MASP1: variants seen among roughly 807,000 people sequenced by gnomAD.
MASP1 encodes MBL associated serine protease 1.
In MASP1, 59 loss-of-function variants were observed where a neutral mutation model predicts 77.1. That is an observed-to-expected ratio of 0.77 (90% confidence interval 0.62 to 0.95). MASP1 has a LOEUF of 0.95. MASP1 is among the 40% of genes least tolerant of loss of function. The pLI is 0.00. For synonymous variants in MASP1, 362 were observed against 354.5 expected, an observed-to-expected ratio of 1.02 and a Z score of -0.24; for missense variants, 885 against 912.9, an observed-to-expected ratio of 0.97 and a Z score of 0.39.
At chr3:187,269,853 G>C (rs1185750385) in intron 2 of MASP1, among the ~76,000 whole-genome samples, 2 of 152,174 alleles carry the variant, frequency 1.3e-5, no homozygotes, top group Non-Finnish European at 2.9e-5. Flanking sequence ...AGATCAAGAA[G>C]AGATATACTT....
intron 1 of MASP1, among the ~76,000 whole-genome samples, chr3:187,288,888 C>G (rs1718071609): frequency 6.6e-6 from 1 of 152,186 alleles, no homozygotes; most frequent in South Asian, 2.1e-4. Context: ...GCTTTCCCTT[C>G]TACTTTGTTT....
chr3:187,276,114 G>GC (rs1054225274), intron 2 of MASP1, among the ~76,000 whole-genome samples: 7 of 131,408 alleles, frequency 5.3e-5, no homozygotes, highest in Admixed American at 3.2e-4. Flanking sequence ...CCCCAGGGTA[G>GC]CCCCCCCAAC....
chr3:187,235,074 G>C lies in MASP1; in HGVS notation c.*610C>G, dbSNP rs1278152225. The stretch of plus-strand genomic sequence containing the variant: ...TGGGGAACATAAGGGATAAGGCTTA[G>C]ACTGCAAGAAGCTTTTGGGAGAGAA... On this transcript the variant is annotated 3_prime_UTR_variant, in exon 11 of 11. Transcript: ENST00000296280. The C allele has an allele frequency of 1.2e-5, 15 of 1,287,168 alleles. No homozygotes were observed. Among genetic ancestry groups the C allele is most frequent in the Non-Finnish European group, 2.0e-6 (2 of 988,736 alleles). The allele number at this position is 1,287,168 out of a possible 1,614,324, so 79.7% of individuals were successfully genotyped here.
chr3:187,244,931 C>T (rs1713956756), intron 8 of MASP1: 1 of 152,218 alleles, frequency 6.6e-6, no homozygotes, highest in African/African-American at 2.4e-5. Context: ...CCAAATTCAT[C>T]TTTTTGATTA....
At chr3:187,276,100 TGCCCCCCAGGGTA>T (rs1259526828) in intron 2 of MASP1, among the ~76,000 whole-genome samples, 1 of 4,850 alleles carries the variant, frequency 2.1e-4, no homozygotes, top group South Asian at 0.062. Context: ...CTGGTTAAAG[TGCCCCCCAGGGTA>T]GCCCCCCCAA....
downstream of MASP1, among the ~76,000 whole-genome samples, chr3:187,230,167 G>A (rs927859739): frequency 1.3e-5 from 2 of 152,222 alleles, no homozygotes; most frequent in East Asian, 3.9e-4. Context: ...TCTGGTCACA[G>A]CAATTGCTCA....
chr3:187,274,138 G>A (rs1335887670), intron 2 of MASP1, among the ~76,000 whole-genome samples: 12 of 151,984 alleles, frequency 7.9e-5, no homozygotes, highest in Admixed American at 7.9e-4. Context: ...AACCCGGGAG[G>A]TAGAGGTTCC....
At chr3:187,250,747 C>T (rs372689540) in intron 7 of MASP1, among the ~76,000 whole-genome samples, 7 of 152,266 alleles carry the variant, frequency 4.6e-5, no homozygotes, top group South Asian at 2.1e-4. Context: ...AACAAGTTCC[C>T]GGTGATGCTG....
intron 2 of MASP1, among the ~76,000 whole-genome samples, chr3:187,279,399 A>T (rs1341793216): frequency 6.6e-6 from 1 of 152,240 alleles, no homozygotes; most frequent in African/African-American, 2.4e-5. Context: ...ATATTCTAAG[A>T]GAACTTGGAA....
intron 5 of MASP1, 39 bp from the exon 6 acceptor site, chr3:187,253,354 C>T (rs562370562): frequency 4.3e-6 from 7 of 1,612,128 alleles, no homozygotes; most frequent in Non-Finnish European, 5.9e-6. Flanking sequence ...ATAGAGTGTT[C>T]CATCTGAGCA....
chr3:187,229,876 G>C, downstream of MASP1: 1 of 1,614,152 alleles, frequency 6.2e-7, no homozygotes, highest in Non-Finnish European at 8.5e-7. Context: ...CAGCTTCCGG[G>C]AGAACTTGGG....
In MASP1 at chr3:187,235,657, A is replaced by G. The variant is rs1451069676; in HGVS notation, c.*27T>C. 6.2e-7 allele frequency: 1 copy of G among 1,613,266 alleles called. No homozygotes were observed. The highest frequency in any genetic ancestry group is 2.2e-5 in the East Asian group (1 of 44,868). ...AGTGCGGTGTAGCTTCGCTCAGGGG[A>G]GGCAGGCCCCGAGGAAGTAAGTCAG... On this transcript the variant is annotated 3_prime_UTR_variant, in exon 11 of 11. Transcript: ENST00000296280.
At chr3:187,277,620 G>A (rs576040006) in intron 2 of MASP1, among the ~76,000 whole-genome samples, 1 of 152,290 alleles carries the variant, frequency 6.6e-6, no homozygotes, top group East Asian at 1.9e-4. Flanking sequence ...CCTGTTCTGA[G>A]GAAGGCTGCA....
At chr3:187,287,805 G>A (rs923679027) in intron 1 of MASP1, among the ~76,000 whole-genome samples, 3 of 152,170 alleles carry the variant, frequency 2.0e-5, no homozygotes, top group Non-Finnish European at 4.4e-5. Flanking sequence ...TCAGGACGTT[G>A]TTTCTCTCCA....
chr3:187,243,654 C>A, intron 8 of MASP1, 33 bp from the exon 9 acceptor site: 2 of 1,613,590 alleles, frequency 1.2e-6, no homozygotes, highest in Non-Finnish European at 1.7e-6. Flanking sequence ...CCTCAACTGC[C>A]TTTTGCTCAT....
rs1715979884 is a variant in MASP1 at position 187,265,912 on chromosome 3, C to T, written c.238-3192G>A. The stretch of plus-strand genomic sequence containing the variant: ...GGCTCAGTGACAGCTCCAGTCATAA[C>T]CTAAACAGAGGGGTCACTGGTCCCG... On this transcript the variant is annotated intron_variant, in intron 2 of 10. Coordinates refer to ENST00000296280, the MANE Select transcript of MASP1 (RefSeq NM_139125.4). Among the ~76,000 whole-genome samples, 6 of 152,194 alleles carry T rather than the reference C, an allele frequency of 3.9e-5. No individual in the cohort carries two copies. In the South Asian group the frequency reaches 1.2e-3, roughly 32 times the overall value.
intron 2 of MASP1, among the ~76,000 whole-genome samples, chr3:187,284,231 T>C (rs1717664991): frequency 6.6e-6 from 1 of 152,208 alleles, no homozygotes; most frequent in African/African-American, 2.4e-5. Context: ...GACCAGATCT[T>C]TTGTGTCCTA....
At chr3:187,260,364 A>G (rs1419294019) in intron 4 of MASP1, among the ~76,000 whole-genome samples, 1 of 152,226 alleles carries the variant, frequency 6.6e-6, no homozygotes, top group Non-Finnish European at 1.5e-5. Context: ...GCCATGGAAA[A>G]GAAGAGAAAA....
intron 2 of MASP1, among the ~76,000 whole-genome samples, chr3:187,285,366 G>A (rs951931674): frequency 6.6e-6 from 1 of 152,002 alleles, no homozygotes; most frequent in Non-Finnish European, 1.5e-5. Flanking sequence ...CTTCATCTCT[G>A]ACTCTTTACT....
Sources: gnomAD v4.1 joint callset for allele counts (sites outside exome capture counted in the v4.1 genomes callset) on GRCh38, gnomAD v4.1.1 for gene constraint, MANE v1.5 for transcripts, NCBI Gene and HGNC (gene_info 2026-07-23, HGNC 2026-07-21) for gene names.